Variants in NECTIN3 observed in about 807,000 individuals in gnomAD.
The protein encoded by NECTIN3 is nectin-3.
In NECTIN3, 8 loss-of-function variants were observed where a neutral mutation model predicts 49.4. That is an observed-to-expected ratio of 0.16 (90% CI 0.10 to 0.29). The LOEUF (loss-of-function observed/expected upper bound fraction) is 0.29, where lower values mean the gene tolerates loss of function less well. Among genes scored for constraint, NECTIN3 ranks in the 10% least tolerant of loss-of-function variants. The probability of loss-of-function intolerance (pLI) is 1.00; values close to 1 mark genes in which losing one functional copy is unlikely to be tolerated. For synonymous variants in NECTIN3, 277 were observed against 241.1 expected, an observed-to-expected ratio of 1.15 and a Z score of -1.38; for missense variants, 581 against 654.6, an observed-to-expected ratio of 0.89 and a Z score of 1.23.
intron 7 of NECTIN3, among the ~76,000 whole-genome samples, chr3:111,154,063 G>A (rs928819862): frequency 1.8e-4 from 27 of 152,094 alleles, no homozygotes; most frequent in South Asian, 4.2e-4. Flanking sequence ...CATGTACTGC[G>A]CACACACACA....
At position 111,135,276 on chromosome 3, in the gene NECTIN3, AGTCG is replaced by A. The variant is rs1357433899; in HGVS notation, c.*1064_*1067del. The A allele has an allele frequency of 9.3e-6, 9 of 965,306 alleles. No individual in the cohort carries two copies. In the East Asian group the frequency reaches 6.9e-4, roughly 74 times the overall value. 59.8% of individuals were successfully genotyped at this position (965,306 alleles called of 1,614,324 possible). A position where few individuals can be genotyped will look rare whatever the true frequency, so the allele number is the denominator to read the frequency against. ...CTAGAAAAAACTAGATTATAGAATT[AGTCG>A]GTAACACTTGCTAATGGACATTGGC... On this transcript the variant is annotated 3_prime_UTR_variant, in exon 6 of 6. Transcript: ENST00000485303.
intron 5 of NECTIN3, among the ~76,000 whole-genome samples, chr3:111,131,128 A>G (rs2034372813): frequency 6.6e-6 from 1 of 152,064 alleles, no homozygotes; most frequent in East Asian, 1.9e-4. Context: ...AATTTTTATG[A>G]CACTAAAAAT....
chr3:111,111,342 A>G (rs1004226127), intron 1 of NECTIN3, among the ~76,000 whole-genome samples: 1 of 152,138 alleles, frequency 6.6e-6, no homozygotes, highest in Non-Finnish European at 1.5e-5. Flanking sequence ...TAACCCTGAA[A>G]TGGAAAAACA....
intron 7 of NECTIN3, among the ~76,000 whole-genome samples, chr3:111,157,360 AAACTTAG>A (rs1177547685): frequency 5.9e-5 from 9 of 152,092 alleles, no homozygotes; most frequent in Non-Finnish European, 8.8e-5. Context: ...ACCAAACAAA[AAACTTAG>A]AACTTAAAAT....
chr3:111,165,736 CTTATA>C (rs2035306699), intron 7 of NECTIN3, among the ~76,000 whole-genome samples: 1 of 152,098 alleles, frequency 6.6e-6, no homozygotes. Flanking sequence ...ATTCCATAAG[CTTATA>C]TTAGTTGCAC....
At chr3:111,072,723 G>A in intron 1 of NECTIN3, 1 of 779,216 alleles carries the variant, frequency 1.3e-6, no homozygotes, top group Non-Finnish European at 2.0e-6. Flanking sequence ...CCACTCCCCC[G>A]GCTCTGCCCT....
chr3:111,164,499 G>A (rs1031723098), intron 7 of NECTIN3, among the ~76,000 whole-genome samples: 7 of 152,006 alleles, frequency 4.6e-5, no homozygotes, highest in Admixed American at 2.0e-4. Flanking sequence ...CCTTAACAAA[G>A]TACCAAAAAC....
chr3:111,134,518 G>T lies in NECTIN3; in HGVS notation c.*303G>T. On this transcript the variant is annotated 3_prime_UTR_variant, in exon 6 of 6. Coordinates refer to ENST00000485303, the MANE Select transcript of NECTIN3 (RefSeq NM_015480.3). ...TCAACATTAAATGTATGACTTACTTGGTACAAAAATTTTTTAAAAAGGGAA... is the reference window on the plus strand; with the variant it reads ...TCAACATTAAATGTATGACTTACTTTGTACAAAAATTTTTTAAAAAGGGAA... 3 of 1,003,998 alleles carry T rather than the reference G, an allele frequency of 3.0e-6. No homozygotes were observed. Among genetic ancestry groups the T allele is most frequent in the Non-Finnish European group, 3.6e-6 (3 of 837,108 alleles). 62.2% of individuals were successfully genotyped at this position (1,003,998 alleles called of 1,614,324 possible).
chr3:111,072,750 C>T (rs2030878590), intron 1 of NECTIN3: 2 of 626,950 alleles, frequency 3.2e-6, no homozygotes, highest in Non-Finnish European at 5.4e-6. Context: ...TTCTGGAGCT[C>T]TCTAGATTGA....
intron 1 of NECTIN3, among the ~76,000 whole-genome samples, chr3:111,108,768 C>T (rs73229184): frequency 1.3e-3 from 198 of 152,140 alleles, no homozygotes; most frequent in Non-Finnish European, 2.3e-3. Flanking sequence ...TTTAAACAGC[C>T]AGATCTCCTC....
intron 6 of NECTIN3, among the ~76,000 whole-genome samples, chr3:111,146,892 T>C (rs1306936515): frequency 6.6e-6 from 1 of 152,158 alleles, no homozygotes; most frequent in Non-Finnish European, 1.5e-5. Context: ...TCCCTAAAAA[T>C]GTAATGGTTA....
At chr3:111,165,210 A>AT (rs1265491889) in intron 7 of NECTIN3, among the ~76,000 whole-genome samples, 1 of 151,648 alleles carries the variant, frequency 6.6e-6, no homozygotes, top group Non-Finnish European at 1.5e-5. Flanking sequence ...TGCCCAGCTA[A>AT]TTTTTTGTAT....
chr3:111,098,120 A>G (rs1488530087), intron 1 of NECTIN3, among the ~76,000 whole-genome samples: 1 of 152,204 alleles, frequency 6.6e-6, no homozygotes, highest in African/African-American at 2.4e-5. Flanking sequence ...CTGTAAAGTT[A>G]TCTGGATTTA....
intron 1 of NECTIN3, chr3:111,073,606 T>C (rs73852394): frequency 0.032 from 4,950 of 152,432 alleles, 95 homozygotes; most frequent in Middle Eastern, 0.058. Context: ...AGAGTCTAGA[T>C]TGAATTTGTG....
intron 2 of NECTIN3, among the ~76,000 whole-genome samples, chr3:111,115,551 G>A (rs780598568): frequency 1.3e-5 from 2 of 152,284 alleles, no homozygotes; most frequent in Non-Finnish European, 2.9e-5. Context: ...CTGCATTTTA[G>A]CAAGATTCCC....
At chr3:111,073,575 A>G (rs75054607) in intron 1 of NECTIN3, 4,203 of 152,446 alleles carry the variant, frequency 0.028, 132 homozygotes, top group African/African-American at 0.081. Flanking sequence ...TCTTAATGCT[A>G]TACCTTTTTA....
chr3:111,122,057 A>G (rs2033978975), intron 3 of NECTIN3, 64 bp from the exon 4 acceptor site: 1 of 1,084,178 alleles, frequency 9.2e-7, no homozygotes, highest in Non-Finnish European at 1.4e-6. Context: ...TTAATATTTT[A>G]TCATGTATAT....
rs575930969 is a variant in NECTIN3, at chr3:111,172,450, G to A, written c.1222-19901G>A. ...CTTTTACACATTTAAAGTGTCTAGAGTTGTCTTGGATTTTGTTTTACAGAA... is the reference window on the plus strand; with the variant it reads ...CTTTTACACATTTAAAGTGTCTAGAATTGTCTTGGATTTTGTTTTACAGAA... On this transcript the variant is annotated intron_variant, in intron 7 of 8. Coordinates refer to the NECTIN3 transcript ENST00000493615. 1.6e-4 allele frequency among the ~76,000 whole-genome samples: 25 copies of A among 152,234 alleles called. No homozygotes were observed. The South Asian group carries it at 3.3e-3, about 20-fold the overall frequency.
chr3:111,145,829 A>G (rs1355205792), intron 6 of NECTIN3, among the ~76,000 whole-genome samples: 1 of 152,210 alleles, frequency 6.6e-6, no homozygotes, highest in Non-Finnish European at 1.5e-5. Flanking sequence ...CAAAGAATAT[A>G]GTTCTGTCTT....
Sources: gnomAD v4.1 joint callset for allele counts (sites outside exome capture counted in the v4.1 genomes callset) on GRCh38, gnomAD v4.1.1 for gene constraint, MANE v1.5 for transcripts, NCBI Gene and HGNC (gene_info 2026-07-23, HGNC 2026-07-21) for gene names.